The following KDM7A variants were observed in gnomAD, a reference collection of about 807,000 sequenced individuals.
KDM7A encodes the protein lysine demethylase 7A.
A neutral mutation model predicts 114.8 loss-of-function variants in KDM7A; 28 were observed. The ratio of observed to expected loss-of-function variants is 0.24; its 90% CI spans 0.18 to 0.33. KDM7A has a LOEUF of 0.33. Ranked by LOEUF, KDM7A falls within the 10% of genes least tolerant of loss-of-function variation. The pLI is 1.00. For synonymous variants in KDM7A, 423 were observed against 397.8 expected, an observed-to-expected ratio of 1.06 and a Z score of -0.75; for missense variants, 942 against 1,142.5, an observed-to-expected ratio of 0.82 and a Z score of 2.53.
intron 7 of KDM7A, among the ~76,000 whole-genome samples, chr7:140,123,791 T>C (rs2116796264): frequency 6.6e-6 from 1 of 152,108 alleles, no homozygotes; most frequent in African/African-American, 2.4e-5. Flanking sequence ...GCCTAGAAAA[T>C]AGTATGCCGG....
chr7:140,147,385 T>G (rs1393604926), intron 1 of KDM7A, among the ~76,000 whole-genome samples: 2 of 152,234 alleles, frequency 1.3e-5, no homozygotes, highest in African/African-American at 4.8e-5. Context: ...AAGAATTTTC[T>G]TAAAATTCTT....
intron 11 of KDM7A, among the ~76,000 whole-genome samples, chr7:140,104,857 G>A (rs1786478059): frequency 6.6e-6 from 1 of 152,142 alleles, no homozygotes; most frequent in African/African-American, 2.4e-5. Flanking sequence ...GATGGGGATG[G>A]CATTGAATCT....
Position 140,098,895 on chromosome 7 carries a change from AG to A in KDM7A, c.1901del (p.Ser634PhefsTer5). On this transcript the variant is annotated frameshift_variant, in exon 14 of 20. Transcript: ENST00000397560. Reference protein sequence around the residue: ...SGVEGVEHEESQKPLNGFFTR... With the variant: ...SGVEGVEHEEXQKPLNGFFTR... ...AAAACATACCATTCAGTGGTTTTTG[AG>A]ATTCTTCATGTTCCACTCCCTCTAC... 1 of 1,610,898 alleles carries A rather than the reference AG, an allele frequency of 6.2e-7. No individual in the cohort carries two copies. The highest frequency in any genetic ancestry group is 8.5e-7 in the Non-Finnish European group (1 of 1,178,932).
chr7:140,161,536 G>GT (rs923657449), intron 1 of KDM7A, among the ~76,000 whole-genome samples: 3 of 150,658 alleles, frequency 2.0e-5, no homozygotes, highest in Admixed American at 6.6e-5. Flanking sequence ...TTGTTTTTTC[G>GT]TTTTTTTGTT....
At chr7:140,139,689 T>C (rs1385448066) in intron 1 of KDM7A, among the ~76,000 whole-genome samples, 1 of 151,736 alleles carries the variant, frequency 6.6e-6, no homozygotes, top group Non-Finnish European at 1.5e-5. Context: ...AAAAAAACCT[T>C]AAAAACAGAT....
At chr7:140,175,822 G>A (rs1024903100) in intron 1 of KDM7A, among the ~76,000 whole-genome samples, 2 of 32 alleles carry the variant, frequency 0.062, no homozygotes, top group Non-Finnish European at 0.11. Context: ...CGCCGGCACC[G>A]GCGCCCGGGC....
chr7:140,174,789 C>CGGGGTTTCACCATGTT (rs758950104), intron 1 of KDM7A, among the ~76,000 whole-genome samples: 39 of 151,940 alleles, frequency 2.6e-4, no homozygotes, highest in Non-Finnish European at 4.6e-4. Context: ...TTAGTAGAGA[C>CGGGGTTTCACCATGTT]GGGGTTTCAC....
chr7:140,150,251 CAAG>C (rs1794384427), intron 1 of KDM7A, among the ~76,000 whole-genome samples: 1 of 152,130 alleles, frequency 6.6e-6, no homozygotes, highest in Non-Finnish European at 1.5e-5. Context: ...ATGAATTCTA[CAAG>C]AAGAAACATT....
chr7:140,125,381 C>T lies in KDM7A; in HGVS notation c.889-598G>A, dbSNP rs540433128. On this transcript the variant is annotated intron_variant, in intron 6 of 19. Transcript: ENST00000397560. ...AATTTTTTGTATCTGTGCTAACCAA[C>T]ACAGTAGCCATTAGCCACATGTGGC... Among the ~76,000 whole-genome samples the T allele has an allele frequency of 4.6e-5, 7 of 152,310 alleles. No homozygotes were observed. In the East Asian group the frequency reaches 1.4e-3, roughly 29 times the overall value.
intron 18 of KDM7A, 156 bp from the exon 19 acceptor site, chr7:140,092,233 A>T (rs1818032145): frequency 1.7e-5 from 11 of 666,224 alleles, no homozygotes. Context: ...CTCCTGCATG[A>T]TGTCGTCTCA....
At chr7:140,114,792 ATG>A (rs1818492372) in intron 9 of KDM7A, among the ~76,000 whole-genome samples, 1 of 144,718 alleles carries the variant, frequency 6.9e-6, no homozygotes, top group South Asian at 2.2e-4. Context: ...CCCGTCTGGG[ATG>A]TGAGGAGCAC....
At chr7:140,118,667 T>C (rs1818571001) in intron 9 of KDM7A, among the ~76,000 whole-genome samples, 1 of 141,264 alleles carries the variant, frequency 7.1e-6, no homozygotes, top group Admixed American at 7.1e-5. Flanking sequence ...TCTGCCTGCC[T>C]CGGCCTCCCA....
At chr7:140,125,095 A>G (rs116292161) in intron 6 of KDM7A, among the ~76,000 whole-genome samples, 398 of 152,312 alleles carry the variant, frequency 2.6e-3, no homozygotes, top group African/African-American at 7.7e-3. Context: ...AGAGAAGTAA[A>G]TATGTGTTGA....
At position 140,097,599 on chromosome 7, in the gene KDM7A, T is replaced by C; in HGVS notation, c.1962A>G (p.Ser654=). The C allele has an allele frequency of 6.2e-7, 1 of 1,608,844 alleles. No homozygotes were observed. The highest frequency in any genetic ancestry group is 8.5e-7 in the Non-Finnish European group (1 of 1,175,346). The change falls in exon 15 of 20, where the codon TCA becomes TCG. Residue 654 remains serine, a synonymous_variant. Transcript: ENST00000397560. ...RVKSELRSRS[S]GYSDISESED... ...CTGACTCAGAAATATCAGAATATCCTGATGATCTACTCCTGAGTTCTGATT... is the reference window on the plus strand; with the variant it reads ...CTGACTCAGAAATATCAGAATATCCCGATGATCTACTCCTGAGTTCTGATT...
At chr7:140,120,585 A>C in intron 7 of KDM7A, 56 bp from the exon 8 acceptor site, 1 of 963,586 alleles carries the variant, frequency 1.0e-6, no homozygotes, top group Non-Finnish European at 1.7e-6. Context: ...AACTAAACCA[A>C]TAGGATATCT....
chr7:140,099,142 C>T, intron 13 of KDM7A, 109 bp from the exon 14 acceptor site: 2 of 857,454 alleles, frequency 2.3e-6, no homozygotes, highest in Non-Finnish European at 3.6e-6. Context: ...GAGACACTGT[C>T]CCCATATTTC....
At chr7:140,145,384 C>T (rs908617860) in intron 1 of KDM7A, among the ~76,000 whole-genome samples, 5 of 152,226 alleles carry the variant, frequency 3.3e-5, no homozygotes, top group African/African-American at 9.6e-5. Context: ...GCACTGAGTC[C>T]GTGGAAGGCC....
chr7:140,103,338 A>C (rs1818265651), intron 11 of KDM7A, among the ~76,000 whole-genome samples: 1 of 151,772 alleles, frequency 6.6e-6, no homozygotes, highest in Non-Finnish European at 1.5e-5. Flanking sequence ...TTATACTTTA[A>C]GTTCTAGGGT....
intron 18 of KDM7A, 65 bp downstream of exon 18, chr7:140,093,991 G>T: frequency 9.9e-7 from 1 of 1,012,528 alleles, no homozygotes; most frequent in East Asian, 2.4e-5. Context: ...TTTTAAAAAA[G>T]AAAGCAAAAA....
Sources: gnomAD v4.1 joint callset for allele counts (sites outside exome capture counted in the v4.1 genomes callset) on GRCh38, gnomAD v4.1.1 for gene constraint, MANE v1.5 for transcripts, NCBI Gene and HGNC (gene_info 2026-07-23, HGNC 2026-07-21) for gene names.